Variants in CTNNA2 observed in about 807,000 individuals in gnomAD.
CTNNA2 encodes the protein catenin alpha 2.
A neutral mutation model predicts 101.0 loss-of-function variants in CTNNA2; 42 were observed. That is an observed-to-expected ratio of 0.42 (90% CI 0.32 to 0.54). The LOEUF is 0.54. Ranked by LOEUF, CTNNA2 falls within the 20% of genes least tolerant of loss-of-function variation. CTNNA2 has a pLI of 0.14. For missense variants in CTNNA2, 871 were observed against 1,223.1 expected (o/e 0.71, Z 4.29); for synonymous variants, 450 against 456.4 (o/e 0.99, Z 0.18).
intron 2 of CTNNA2, among the ~76,000 whole-genome samples, chr2:79,736,386 A>T (rs1660335936): frequency 6.6e-6 from 1 of 152,238 alleles, no homozygotes; most frequent in Non-Finnish European, 1.5e-5. Context: ...ATAATTTAAG[A>T]AAAACAACAT....
At chr2:79,597,243 C>A (rs769830820) in intron 1 of CTNNA2, among the ~76,000 whole-genome samples, 3 of 151,994 alleles carry the variant, frequency 2.0e-5, no homozygotes, top group Admixed American at 2.0e-4. Context: ...GAGGCCCAGG[C>A]GGCATGATCA....
At chr2:79,485,737 G>A (rs1045798796) in intron 4 of CTNNA2, among the ~76,000 whole-genome samples, 4 of 152,166 alleles carry the variant, frequency 2.6e-5, no homozygotes, top group African/African-American at 9.7e-5. Context: ...AGCAACTGAT[G>A]TAGGCCTCAT....
chr2:79,869,953 A>C lies in CTNNA2; in HGVS notation c.585+18A>C, dbSNP rs1171638435. On this transcript the variant is annotated intron_variant, in intron 5 of 18. Coordinates refer to ENST00000402739, the MANE Select transcript of CTNNA2 (RefSeq NM_001282597.3). ...GACAACAGGTGGGAAAGATTTTAGA[A>C]ATGCTAGGGGAGAAAATGGGTGAGT... The C allele has an allele frequency of 6.2e-7, 1 of 1,612,294 alleles. No homozygotes were observed. Among genetic ancestry groups the C allele is most frequent in the Admixed American group, 1.7e-5 (1 of 59,856 alleles).
At chr2:80,396,483 G>T (rs1678024319) in intron 8 of CTNNA2, among the ~76,000 whole-genome samples, 1 of 152,176 alleles carries the variant, frequency 6.6e-6, no homozygotes, top group Non-Finnish European at 1.5e-5. Context: ...GGAAACAATA[G>T]CTCTTGGCTG....
At chr2:80,132,911 G>T (rs1219095431) in intron 7 of CTNNA2, among the ~76,000 whole-genome samples, 1 of 152,074 alleles carries the variant, frequency 6.6e-6, no homozygotes, top group Non-Finnish European at 1.5e-5. Context: ...GACTCATATG[G>T]ATATAAAAAT....
intron 7 of CTNNA2, among the ~76,000 whole-genome samples, chr2:80,127,375 A>T (rs531665853): frequency 6.6e-6 from 1 of 152,300 alleles, no homozygotes; most frequent in South Asian, 2.1e-4. Context: ...GCAGAAGAAT[A>T]TGCTATGAAG....
chr2:80,289,439 T>A (rs1162141868), intron 7 of CTNNA2, among the ~76,000 whole-genome samples: 9 of 152,198 alleles, frequency 5.9e-5, no homozygotes, highest in Non-Finnish European at 1.2e-4. Context: ...TATTACTGAT[T>A]TAGTGTTCTC....
intron 9 of CTNNA2, among the ~76,000 whole-genome samples, chr2:80,509,074 A>G (rs1688502841): frequency 6.6e-6 from 1 of 152,250 alleles, no homozygotes; most frequent in African/African-American, 2.4e-5. Context: ...TGCCAAAAGC[A>G]GAGTCTGTGC....
intron 2 of CTNNA2, among the ~76,000 whole-genome samples, chr2:79,242,750 T>C (rs895411598): frequency 3.9e-5 from 6 of 152,080 alleles, no homozygotes; most frequent in Admixed American, 2.6e-4. Flanking sequence ...GGAGAACTGC[T>C]TGAGCCCAGA....
At chr2:79,831,910 A>G (rs1678960007) in intron 3 of CTNNA2, among the ~76,000 whole-genome samples, 1 of 151,934 alleles carries the variant, frequency 6.6e-6, no homozygotes, top group South Asian at 2.1e-4. Flanking sequence ...TAATTTCTGC[A>G]TTTTGTTGGG....
At chr2:80,466,465 A>C (rs970244047) in intron 9 of CTNNA2, among the ~76,000 whole-genome samples, 3 of 152,180 alleles carry the variant, frequency 2.0e-5, no homozygotes, top group Non-Finnish European at 4.4e-5. Context: ...TCCAGGTAAA[A>C]CTTGGCAAAG....
intron 7 of CTNNA2, among the ~76,000 whole-genome samples, chr2:79,982,224 A>ATC (rs1558697371): frequency 6.6e-5 from 4 of 60,854 alleles, no homozygotes; most frequent in African/African-American, 2.2e-4. Context: ...ATATATATAT[A>ATC]TATATATATA....
rs67347678 is a variant in CTNNA2 at position 79,777,327 on chromosome 2, A to ATGTGTG, written c.298+32789_298+32794dup. Among the ~76,000 whole-genome samples the ATGTGTG allele has an allele frequency of 2.0e-3, 282 of 139,672 alleles. 6 individuals are homozygous for ATGTGTG. The highest frequency in any genetic ancestry group is 0.018 in the East Asian group (85 of 4,686). The allele number at this position is 139,672 out of a possible 152,430, so 91.6% of individuals were successfully genotyped here. On this transcript the variant is annotated intron_variant, in intron 3 of 18. Coordinates refer to ENST00000402739, the MANE Select transcript of CTNNA2 (RefSeq NM_001282597.3). ...TCTTAGCCCATACCAAACACTTGTT[A>ATGTGTG]TGTGTGTGTGTGTGTGTGTGTGTGT...
At chr2:79,249,260 G>A (rs1330532946) in intron 2 of CTNNA2, among the ~76,000 whole-genome samples, 1 of 152,128 alleles carries the variant, frequency 6.6e-6, no homozygotes, top group Non-Finnish European at 1.5e-5. Flanking sequence ...TAAATCCAGT[G>A]TTTCATTCTT....
intron 7 of CTNNA2, among the ~76,000 whole-genome samples, chr2:80,277,800 T>C (rs1424536374): frequency 6.6e-6 from 1 of 152,142 alleles, no homozygotes; most frequent in African/African-American, 2.4e-5. Flanking sequence ...AGAAGGTTCT[T>C]CTTTGTCATC....
At chr2:79,835,637 C>T (rs979482048) in intron 3 of CTNNA2, among the ~76,000 whole-genome samples, 2 of 139,682 alleles carry the variant, frequency 1.4e-5, no homozygotes, top group Non-Finnish European at 3.0e-5. Flanking sequence ...ATCCTTGCCA[C>T]TTTCTGTGCT....
chr2:80,623,666 A>G (rs1472825424), intron 18 of CTNNA2, among the ~76,000 whole-genome samples: 1 of 151,882 alleles, frequency 6.6e-6, no homozygotes, highest in African/African-American at 2.4e-5. Context: ...AAAATGCACG[A>G]TCCTGGGCCA....
intron 7 of CTNNA2, among the ~76,000 whole-genome samples, chr2:80,227,597 C>T (rs558654352): frequency 6.6e-6 from 1 of 152,198 alleles, no homozygotes; most frequent in East Asian, 1.9e-4. Flanking sequence ...GGATGTGAGC[C>T]CGAGTTGTGC....
At chr2:79,315,996 A>G (rs1055312579) in intron 3 of CTNNA2, among the ~76,000 whole-genome samples, 1 of 152,100 alleles carries the variant, frequency 6.6e-6, no homozygotes, top group Non-Finnish European at 1.5e-5. Flanking sequence ...TAATTTTTAT[A>G]AAGTCCAATT....
Sources: allele counts gnomAD v4.1 joint callset (sites outside exome capture counted in the v4.1 genomes callset), GRCh38; gene constraint gnomAD v4.1.1; transcripts MANE v1.5; gene names NCBI Gene and HGNC (gene_info 2026-07-23, HGNC 2026-07-21).